PPARD: variants seen among roughly 807,000 people sequenced by gnomAD.
The protein encoded by PPARD is peroxisome proliferator-activated receptor delta.
A neutral mutation model predicts 39.5 loss-of-function variants in PPARD; 6 were observed. The observed-to-expected ratio is 0.15, with a 90% CI of 0.08 to 0.30. The LOEUF (loss-of-function observed/expected upper bound fraction) is 0.30. PPARD is among the 10% of genes least tolerant of loss of function. The pLI, the probability that PPARD is intolerant of heterozygous loss-of-function variation, is 1.00. For synonymous variants in PPARD, 210 were observed against 231.3 expected, an observed-to-expected ratio of 0.91 and a Z score of 0.83; for missense variants, 397 against 596.8, an observed-to-expected ratio of 0.67 and a Z score of 3.49.
intron 2 of PPARD, among the ~76,000 whole-genome samples, chr6:35,352,351 T>C (rs1209535257): frequency 6.6e-6 from 1 of 151,900 alleles, no homozygotes; most frequent in Non-Finnish European, 1.5e-5. Context: ...GCCCGGCTAA[T>C]TTTTGTATTT....
chr6:35,418,620 G>T (rs1003053832), intron 3 of PPARD, among the ~76,000 whole-genome samples: 3 of 152,224 alleles, frequency 2.0e-5, no homozygotes, highest in African/African-American at 7.2e-5. Flanking sequence ...GACCAAAGCG[G>T]CTTCACCCTC....
At chr6:35,390,591 CTT>C (rs1468802190) in intron 2 of PPARD, among the ~76,000 whole-genome samples, 1 of 151,448 alleles carries the variant, frequency 6.6e-6, no homozygotes, top group East Asian at 1.9e-4. Flanking sequence ...TTTCCTAACA[CTT>C]TATGAGTTTT....
intron 2 of PPARD, among the ~76,000 whole-genome samples, chr6:35,379,372 T>C (rs1380640787): frequency 6.6e-6 from 1 of 152,120 alleles, no homozygotes; most frequent in Admixed American, 6.5e-5. Flanking sequence ...AAAGTGCTGG[T>C]ATTACAGGCA....
intron 2 of PPARD, among the ~76,000 whole-genome samples, chr6:35,359,541 A>G (rs1024749973): frequency 3.7e-4 from 56 of 152,178 alleles, no homozygotes; most frequent in Non-Finnish European, 5.1e-4. Context: ...GTTCCCCTCC[A>G]TGGCCTTCTT....
At chr6:35,355,711 G>A (rs9296147) in intron 2 of PPARD, among the ~76,000 whole-genome samples, 145,776 of 147,736 alleles carry the variant, frequency 0.99, 71,939 homozygotes, top group East Asian at 1. Flanking sequence ...TCCCAGGTTC[G>A]CGCCGTTCTC....
rs940692664 is a variant in PPARD, at chr6:35,427,312, G to A, written c.*1233G>A. The A allele has an allele frequency of 6.5e-6, 1 of 154,226 alleles. No homozygotes were observed. The allele number at this position is 154,226 out of a possible 1,614,324, so 9.6% of individuals were successfully genotyped here. A position where few individuals can be genotyped will look rare whatever the true frequency, so the allele number is the denominator to read the frequency against. On this transcript the variant is annotated 3_prime_UTR_variant, in exon 8 of 8. Transcript: ENST00000360694. ...CCTCCCTTCCCTCCCTGAGGCAGGT[G>A]AGAACCCAGAGAGAGGGGCCTGCAG...
chr6:35,386,478 G>A (rs558387899), intron 2 of PPARD, among the ~76,000 whole-genome samples: 3 of 151,594 alleles, frequency 2.0e-5, no homozygotes, highest in South Asian at 4.2e-4. Context: ...GTGACAGAGC[G>A]AGACCCCATC....
intron 2 of PPARD, among the ~76,000 whole-genome samples, chr6:35,349,869 G>A (rs1416581548): frequency 6.6e-6 from 1 of 151,798 alleles, no homozygotes; most frequent in Non-Finnish European, 1.5e-5. Context: ...AGCCTCCCAA[G>A]TAGCTCAGAT....
At chr6:35,379,602 A>G (rs1450030367) in intron 2 of PPARD, among the ~76,000 whole-genome samples, 1 of 152,260 alleles carries the variant, frequency 6.6e-6, no homozygotes, top group Non-Finnish European at 1.5e-5. Flanking sequence ...TTCCTAGCAC[A>G]CAGAAAGCTG....
At chr6:35,410,234 C>T (rs149971439) in intron 2 of PPARD, among the ~76,000 whole-genome samples, 5 of 152,324 alleles carry the variant, frequency 3.3e-5, no homozygotes, top group African/African-American at 4.8e-5. Context: ...GACATTTCCC[C>T]GCTGGGAGAC....
Position 35,424,071 on chromosome 6 carries a change from A to G in PPARD, c.550A>G (p.Asn184Asp), listed in dbSNP as rs1297966824. 1.2e-6 allele frequency: 2 copies of G among 1,614,108 alleles called. No homozygotes were observed. Among genetic ancestry groups the G allele is most frequent in the South Asian group, 2.2e-5 (2 of 91,088 alleles). Residue 184 changes from asparagine to aspartate, a missense_variant, in exon 6 of 8, where the codon AAT (asparagine) becomes GAT (aspartate). Physicochemically the swap from Asn to Asp is conservative, Grantham distance 23. Coordinates refer to ENST00000360694, the MANE Select transcript of PPARD (RefSeq NM_006238.5). The surrounding 1 kb of genome is among the most constrained non-coding windows in gnomAD (Gnocchi z 7.1). Reference sequence around the variant, plus strand: ...GAAGGCCTTCTCCAAGCACATCTACAATGCCTACCTGAAAAACTTCAACAT... The same window carrying G: ...GAAGGCCTTCTCCAAGCACATCTACGATGCCTACCTGAAAAACTTCAACAT... Reference protein sequence around the residue: ...DLKAFSKHIYNAYLKNFNMTK... With the variant: ...DLKAFSKHIYDAYLKNFNMTK...
intron 3 of PPARD, among the ~76,000 whole-genome samples, 199 bp downstream of exon 3, chr6:35,411,416 T>A (rs578244795): frequency 1.3e-5 from 2 of 152,352 alleles, no homozygotes; most frequent in South Asian, 4.1e-4. Context: ...TGGAGCAAGC[T>A]GCACCACTTC....
intron 2 of PPARD, among the ~76,000 whole-genome samples, chr6:35,394,114 A>C (rs921758626): frequency 2.6e-5 from 4 of 152,166 alleles, no homozygotes; most frequent in Non-Finnish European, 5.9e-5. Flanking sequence ...AGTCCCCCTC[A>C]TTCTCCCTTC....
At position 35,397,680 on chromosome 6, in the gene PPARD, A is replaced by G. The variant is rs2284197; in HGVS notation, c.-101-13307A>G. 9.9e-3 allele frequency: 3,979 copies of G among 399,910 alleles called. 25 individuals carry two copies. The highest frequency in any genetic ancestry group is 0.023 in the East Asian group (142 of 6,228). 24.8% of individuals were successfully genotyped at this position (399,910 alleles called of 1,614,324 possible). A position where few individuals can be genotyped will look rare whatever the true frequency, so the allele number is the denominator to read the frequency against. Reference sequence around the variant, plus strand: ...TATGTGAATCTAACAACAGACAAAAATCTCTGCCTCCTGGGGCTTATATTC... The same window carrying G: ...TATGTGAATCTAACAACAGACAAAAGTCTCTGCCTCCTGGGGCTTATATTC... On this transcript the variant is annotated intron_variant, in intron 2 of 7. Transcript: ENST00000360694.
chr6:35,408,421 C>T (rs1765199098), intron 2 of PPARD, among the ~76,000 whole-genome samples: 1 of 152,156 alleles, frequency 6.6e-6, no homozygotes, highest in African/African-American at 2.4e-5. Flanking sequence ...GTGACTGCCC[C>T]AGCTGCCACT....
At chr6:35,355,579 G>T (rs1330497431) in intron 2 of PPARD, among the ~76,000 whole-genome samples, 2 of 90,866 alleles carry the variant, frequency 2.2e-5, no homozygotes, top group Non-Finnish European at 4.4e-5. Flanking sequence ...AAAAAAAAAA[G>T]TGCTTTCTTC....
intron 3 of PPARD, among the ~76,000 whole-genome samples, chr6:35,413,671 T>C (rs557308186): frequency 3.9e-5 from 6 of 152,050 alleles, no homozygotes; most frequent in Admixed American, 3.3e-4. Flanking sequence ...CCAACACTTC[T>C]TAATGTGTGA....
At chr6:35,345,767 G>A (rs1792135700) in intron 1 of PPARD, among the ~76,000 whole-genome samples, 1 of 152,068 alleles carries the variant, frequency 6.6e-6, no homozygotes, top group Non-Finnish European at 1.5e-5. Flanking sequence ...TGGGCCTACA[G>A]CTGTCCTGAC....
In PPARD at chr6:35,366,866, T is replaced by C. The variant is rs999279771; in HGVS notation, c.-102+19716T>C. On this transcript the variant is annotated intron_variant, in intron 2 of 7. Transcript: ENST00000360694. This position sits in a 1 kb window ranked among gnomAD's most constrained non-coding sequence, Gnocchi z 4.6. Reference sequence around the variant, plus strand: ...CATCCGGCCTCTGTATTAAATACTTTAGCTGCATATTCTTTCTTCGAAATG... The same window carrying C: ...CATCCGGCCTCTGTATTAAATACTTCAGCTGCATATTCTTTCTTCGAAATG... Among the ~76,000 whole-genome samples the C allele has an allele frequency of 2.6e-5, 4 of 152,250 alleles. No homozygotes were observed. The highest frequency in any genetic ancestry group is 7.2e-5 in the African/African-American group (3 of 41,470).
Sources: gnomAD v4.1 joint callset for allele counts (sites outside exome capture counted in the v4.1 genomes callset) on GRCh38, gnomAD v4.1.1 for gene constraint, Gnocchi (gnomAD v3.1) non-coding constraint, MANE v1.5 for transcripts, NCBI Gene and HGNC (gene_info 2026-07-23, HGNC 2026-07-21) for gene names.